PTPRM: variants seen among roughly 807,000 people sequenced by gnomAD.
PTPRM encodes the protein protein tyrosine phosphatase receptor type M, also known as receptor-type tyrosine-protein phosphatase mu.
In PTPRM, 47 loss-of-function variants were observed where a neutral mutation model predicts 186.7. The ratio of observed to expected loss-of-function variants is 0.25; its 90% CI spans 0.20 to 0.32. The LOEUF is 0.32. Ranked by LOEUF, PTPRM falls within the 10% of genes least tolerant of loss-of-function variation. The pLI, the probability that PTPRM is intolerant of heterozygous loss-of-function variation, is 1.00. For missense variants in PTPRM, 1,494 were observed against 1,865.0 expected, an observed-to-expected ratio of 0.80 and a Z score of 3.66; for synonymous variants, 668 against 674.9, an observed-to-expected ratio of 0.99 and a Z score of 0.16.
intron 13 of PTPRM, among the ~76,000 whole-genome samples, chr18:8,122,556 G>A (rs1003021432): frequency 3.9e-5 from 6 of 152,162 alleles, no homozygotes; most frequent in African/African-American, 1.4e-4. Flanking sequence ...TGGTCTGTTG[G>A]TATGTTTCTT....
At chr18:7,630,594 G>A (rs755162858) in intron 1 of PTPRM, among the ~76,000 whole-genome samples, 8 of 152,068 alleles carry the variant, frequency 5.3e-5, no homozygotes, top group Non-Finnish European at 1.2e-4. Flanking sequence ...TAGCCTTTTG[G>A]GCTATTTTGC....
chr18:7,977,114 A>G (rs2055003699), intron 7 of PTPRM, among the ~76,000 whole-genome samples: 1 of 151,996 alleles, frequency 6.6e-6, no homozygotes, highest in Non-Finnish European at 1.5e-5. Context: ...TTTGAGACAG[A>G]GTTTCGCCCT....
intron 2 of PTPRM, among the ~76,000 whole-genome samples, chr18:7,824,046 C>T (rs1036855254): frequency 6.6e-6 from 1 of 152,170 alleles, no homozygotes; most frequent in African/African-American, 2.4e-5. Context: ...GCCCCCTTGT[C>T]CTTCCCTCTC....
chr18:8,187,926 G>C (rs1486144151), intron 14 of PTPRM, among the ~76,000 whole-genome samples: 1 of 152,344 alleles, frequency 6.6e-6, no homozygotes, highest in East Asian at 1.9e-4. Context: ...TTGGTATGCA[G>C]ATGGCAACTG....
chr18:7,701,767 G>T (rs955602329), intron 1 of PTPRM, among the ~76,000 whole-genome samples: 7 of 152,010 alleles, frequency 4.6e-5, no homozygotes, highest in Non-Finnish European at 8.8e-5. Flanking sequence ...ATGCAGGTTT[G>T]TTACATAGGT....
chr18:7,683,546 T>G (rs917563093), intron 1 of PTPRM, among the ~76,000 whole-genome samples: 1 of 152,110 alleles, frequency 6.6e-6, no homozygotes, highest in Non-Finnish European at 1.5e-5. Context: ...AGTATCTTAT[T>G]GGATGTGGGA....
At chr18:7,772,365 T>TTC (rs1555673353) in intron 1 of PTPRM, among the ~76,000 whole-genome samples, 2 of 71,054 alleles carry the variant, frequency 2.8e-5, no homozygotes, top group African/African-American at 8.4e-5. Context: ...CTTTCTTTCT[T>TTC]TCTTTCTTTC....
chr18:7,974,181 C>A (rs2147346588), intron 7 of PTPRM, among the ~76,000 whole-genome samples: 1 of 152,284 alleles, frequency 6.6e-6, no homozygotes, highest in East Asian at 1.9e-4. Flanking sequence ...ACAACTGAGT[C>A]ACAGCTCATT....
intron 7 of PTPRM, among the ~76,000 whole-genome samples, chr18:7,974,409 G>A (rs1006552119): frequency 2.0e-5 from 3 of 152,196 alleles, no homozygotes; most frequent in African/African-American, 7.2e-5. Flanking sequence ...GATTCCCAGA[G>A]CAGTTGTAGA....
intron 13 of PTPRM, among the ~76,000 whole-genome samples, chr18:8,140,927 T>A (rs1442102568): frequency 6.6e-6 from 1 of 152,124 alleles, no homozygotes; most frequent in Non-Finnish European, 1.5e-5. Flanking sequence ...GTTTAGAAAT[T>A]ATACTGTTAA....
chr18:7,928,075 A>T (rs530372453), intron 5 of PTPRM, among the ~76,000 whole-genome samples: 1 of 152,210 alleles, frequency 6.6e-6, no homozygotes, highest in South Asian at 2.1e-4. Context: ...TTCTGGGGAA[A>T]ATGGGAGACA....
chr18:7,856,966 C>A (rs1316157939), intron 2 of PTPRM, among the ~76,000 whole-genome samples: 1 of 152,140 alleles, frequency 6.6e-6, no homozygotes, highest in African/African-American at 2.4e-5. Flanking sequence ...ATGTCTCTTG[C>A]CCTCGCTCCT....
chr18:8,075,395 T>A (rs1234260890), intron 8 of PTPRM, among the ~76,000 whole-genome samples: 1 of 152,140 alleles, frequency 6.6e-6, no homozygotes, highest in African/African-American at 2.4e-5. Context: ...GACTGCTTAT[T>A]GGTCATTCAC....
rs567894191 is a variant in PTPRM at position 8,061,441 on chromosome 18, A to C, written c.1133-8245A>C. On this transcript the variant is annotated intron_variant, in intron 7 of 32. Transcript: ENST00000580170. ...GCCAGTGTGTGTCTTTTAATTGGAG[A>C]ATTTAGTCCATTTACATTTAAAGTT... Among the ~76,000 whole-genome samples, 8 of 128,396 alleles carry C rather than the reference A, an allele frequency of 6.2e-5. No individual in the cohort carries two copies. In the South Asian group the frequency reaches 2.2e-3, roughly 35 times the overall value. The allele number at this position is 128,396 out of a possible 152,430, so 84.2% of individuals were successfully genotyped here. A position where few individuals can be genotyped will look rare whatever the true frequency, so the allele number is the denominator to read the frequency against.
At chr18:7,605,426 C>G (rs559238218) in intron 1 of PTPRM, among the ~76,000 whole-genome samples, 1 of 151,722 alleles carries the variant, frequency 6.6e-6, no homozygotes, top group Non-Finnish European at 1.5e-5. Context: ...ATGTCCCCCC[C>G]CCACTTCCGT....
intron 2 of PTPRM, among the ~76,000 whole-genome samples, chr18:7,774,706 G>C (rs2042496707): frequency 1.3e-5 from 2 of 152,208 alleles, no homozygotes; most frequent in South Asian, 2.1e-4. Flanking sequence ...AGAATGCCCA[G>C]TGATCTTGAA....
At chr18:8,129,270 T>G (rs563032774) in intron 13 of PTPRM, among the ~76,000 whole-genome samples, 1 of 152,322 alleles carries the variant, frequency 6.6e-6, no homozygotes, top group Non-Finnish European at 1.5e-5. Context: ...TTCTTGATGT[T>G]AATAAAAATG....
chr18:8,179,030 A>AG (rs1014620163), intron 14 of PTPRM, among the ~76,000 whole-genome samples: 162 of 152,042 alleles, frequency 1.1e-3, no homozygotes, highest in African/African-American at 3.8e-3. Flanking sequence ...CAGGGACTGC[A>AG]TACAGAAGGT....
At position 7,988,013 on chromosome 18, in the gene PTPRM, C is replaced by CA. The variant is rs57611700; in HGVS notation, c.1132+32621dup. On this transcript the variant is annotated intron_variant, in intron 7 of 32. Coordinates refer to ENST00000580170, the MANE Select transcript of PTPRM (RefSeq NM_001105244.2). The stretch of plus-strand genomic sequence containing the variant: ...ACAACATAGTGAGACCCTGTGTCTA[C>CA]AAAAAAAAAAAAAAAAAAAAAATTA... Among the ~76,000 whole-genome samples the CA allele has an allele frequency of 2.7e-3, 302 of 112,352 alleles. 3 individuals are homozygous for CA. Among genetic ancestry groups the CA allele is most frequent in the Admixed American group, 9.0e-3 (95 of 10,512 alleles). The allele number at this position is 112,352 out of a possible 152,430, so 73.7% of individuals were successfully genotyped here.
Sources: gnomAD v4.1 joint callset for allele counts (sites outside exome capture counted in the v4.1 genomes callset) on GRCh38, gnomAD v4.1.1 for gene constraint, MANE v1.5 for transcripts, NCBI Gene and HGNC (gene_info 2026-07-23, HGNC 2026-07-21) for gene names.